DNAAF11: variants seen among roughly 807,000 people sequenced by gnomAD.
DNAAF11 encodes leucine rich repeat containing 6.
DNAAF11 carries 45 observed loss-of-function variants against 60.8 expected under a neutral mutation model. The ratio of observed to expected loss-of-function variants is 0.74; its 90% CI spans 0.58 to 0.95. The LOEUF is 0.95. Among genes scored for constraint, DNAAF11 ranks in the 40% least tolerant of loss-of-function variants. DNAAF11 has a pLI of 0.00. For missense variants in DNAAF11, 546 were observed against 546.2 expected (o/e 1.00, Z 0.00); for synonymous variants, 191 against 183.5 (o/e 1.04, Z -0.33).
chr8:132,638,359 C>A (rs1821518514), intron 3 of DNAAF11, among the ~76,000 whole-genome samples: 1 of 152,092 alleles, frequency 6.6e-6, no homozygotes, highest in Admixed American at 6.6e-5. Flanking sequence ...ACTTTCCCTG[C>A]TCACACTTAC....
At chr8:132,582,581 G>C (rs920039091) in intron 11 of DNAAF11, among the ~76,000 whole-genome samples, 1 of 152,132 alleles carries the variant, frequency 6.6e-6, no homozygotes. Flanking sequence ...ACTAAGCTGG[G>C]AAATAGAGTG....
intron 10 of DNAAF11, among the ~76,000 whole-genome samples, chr8:132,605,077 T>C (rs1818001929): frequency 6.6e-6 from 1 of 152,174 alleles, no homozygotes; most frequent in South Asian, 2.1e-4. Flanking sequence ...GTAGTGTGTA[T>C]TATGTCCCAA....
intron 10 of DNAAF11, 137 bp from the exon 11 acceptor site, chr8:132,583,916 G>C (rs1815610309): frequency 1.5e-6 from 1 of 647,858 alleles, no homozygotes; most frequent in Admixed American, 2.4e-5. Context: ...ACTCAAACTT[G>C]AAGCCCCTAT....
At chr8:132,596,177 C>T (rs543104904) in intron 10 of DNAAF11, among the ~76,000 whole-genome samples, 2 of 152,186 alleles carry the variant, frequency 1.3e-5, no homozygotes, top group African/African-American at 2.4e-5. Flanking sequence ...TCATGTGGCC[C>T]GTCAATTGGC....
chr8:132,663,215 T>C (rs1824301950), intron 1 of DNAAF11, among the ~76,000 whole-genome samples: 1 of 152,160 alleles, frequency 6.6e-6, no homozygotes, highest in Non-Finnish European at 1.5e-5. Context: ...CCAGCACCAT[T>C]CAGCTGTCCC....
the DNAAF11 span, among the ~76,000 whole-genome samples, chr8:132,697,509 T>C: frequency 0.029 from 4,450 of 151,946 alleles, 255 homozygotes; most frequent in African/African-American, 0.1. Context: ...TCCCCGCTGC[T>C]TGGGAGGCTG....
intron 1 of DNAAF11, among the ~76,000 whole-genome samples, chr8:132,674,900 CA>C (rs1221084361): frequency 6.6e-6 from 1 of 152,170 alleles, no homozygotes; most frequent in Non-Finnish European, 1.5e-5. Flanking sequence ...AACAAACAAA[CA>C]AAAACACGTT....
the DNAAF11 span, among the ~76,000 whole-genome samples, chr8:132,687,045 C>A: frequency 6.6e-6 from 1 of 152,174 alleles, no homozygotes; most frequent in South Asian, 2.1e-4. Flanking sequence ...GTGCCTCACC[C>A]ATAGAAGACA....
chr8:132,638,000 C>G lies in DNAAF11; in HGVS notation c.364G>C (p.Gly122Arg), dbSNP rs762264378. Residue 122 changes from glycine (G) to arginine (R), a missense_variant, in exon 4 of 12, where the codon GGG becomes CGG. Transcript: ENST00000620350. Reference protein sequence around the residue: ...NIHLKELFLMGNPCASFDHYR... With the variant: ...NIHLKELFLMRNPCASFDHYR... ...TGGTCAAAGGAAGCACATGGGTTCCCCATGAGAAAGAGCTCCTTCAGATGG... is the reference window on the plus strand; with the variant it reads ...TGGTCAAAGGAAGCACATGGGTTCCGCATGAGAAAGAGCTCCTTCAGATGG... The G allele has an allele frequency of 2.5e-6, 4 of 1,614,078 alleles. No homozygotes were observed. The highest frequency in any genetic ancestry group is 3.4e-6 in the Non-Finnish European group (4 of 1,179,968).
intron 10 of DNAAF11, among the ~76,000 whole-genome samples, chr8:132,596,603 C>T (rs1393727056): frequency 6.6e-6 from 1 of 152,150 alleles, no homozygotes; most frequent in East Asian, 1.9e-4. Context: ...GAATTCAACC[C>T]TTCTGTCTGA....
chr8:132,605,338 T>C (rs1818026184), intron 10 of DNAAF11, among the ~76,000 whole-genome samples: 1 of 152,178 alleles, frequency 6.6e-6, no homozygotes, highest in Non-Finnish European at 1.5e-5. Context: ...ATTCCAATGG[T>C]CTTTTCAGAG....
chr8:132,674,107 A>G (rs1825471764), intron 1 of DNAAF11, among the ~76,000 whole-genome samples: 1 of 144,676 alleles, frequency 6.9e-6, no homozygotes, highest in Non-Finnish European at 1.5e-5. Context: ...CAGGAGGAGG[A>G]GGAGCAGGAG....
At chr8:132,641,048 A>C (rs575528980) in intron 3 of DNAAF11, among the ~76,000 whole-genome samples, 6 of 152,262 alleles carry the variant, frequency 3.9e-5, no homozygotes, top group African/African-American at 1.4e-4. Context: ...AATACAAATA[A>C]ATTGGGGGAG....
At chr8:132,593,357 A>ATATATATATATATT (rs1816675052) in intron 10 of DNAAF11, among the ~76,000 whole-genome samples, 2 of 144,502 alleles carry the variant, frequency 1.4e-5, no homozygotes, top group African/African-American at 5.1e-5. Context: ...ATATATATAT[A>ATATATATATATATT]TATATTTATA....
chr8:132,681,278 GGGATT>G, the DNAAF11 span, among the ~76,000 whole-genome samples: 1 of 150,616 alleles, frequency 6.6e-6, no homozygotes, highest in Non-Finnish European at 1.5e-5. Context: ...CCGAAGTGCT[GGGATT>G]ACAGGCGTGA....
chr8:132,601,457 C>G (rs1172756486), intron 10 of DNAAF11, among the ~76,000 whole-genome samples: 1 of 152,046 alleles, frequency 6.6e-6, no homozygotes, highest in Non-Finnish European at 1.5e-5. Context: ...CATGCTGCTA[C>G]AAAGACACAT....
rs1055528040 is a variant in DNAAF11 at position 132,570,581 on chromosome 8, G to C, written c.*1725C>G. On this transcript the variant is annotated 3_prime_UTR_variant, in exon 12 of 12. Transcript: ENST00000620350. ...ATTATGATATGTCAAGTTGGCTAAG[G>C]CTGGGAGCTGTTTTCCAGAATTTCC... Among the ~76,000 whole-genome samples, 3 of 152,208 alleles carry C rather than the reference G, an allele frequency of 2.0e-5. No homozygotes were observed.
intron 10 of DNAAF11, among the ~76,000 whole-genome samples, chr8:132,598,848 A>G (rs1419460357): frequency 6.6e-6 from 1 of 152,232 alleles, no homozygotes. Context: ...ACACCCTAAC[A>G]TCACAATTAA....
the DNAAF11 span, among the ~76,000 whole-genome samples, chr8:132,683,914 A>C: frequency 1.3e-5 from 2 of 152,284 alleles, no homozygotes; most frequent in Admixed American, 1.3e-4. Flanking sequence ...TGGTGAGGTC[A>C]TGTAAGTCTT....
Sources: gnomAD v4.1 joint callset for allele counts (sites outside exome capture counted in the v4.1 genomes callset) on GRCh38, gnomAD v4.1.1 for gene constraint, MANE v1.5 for transcripts, NCBI Gene and HGNC (gene_info 2026-07-23, HGNC 2026-07-21) for gene names.